Variants in CDH18 observed in about 807,000 individuals in gnomAD.
CDH18 encodes cadherin-18.
Under a neutral mutation model 67.9 loss-of-function variants are expected in CDH18, and 31 were observed. The ratio of observed to expected loss-of-function variants is 0.46; its 90% confidence interval spans 0.34 to 0.62. The LOEUF (loss-of-function observed/expected upper bound fraction) is 0.62, where lower values mean the gene tolerates loss of function less well. CDH18 is among the 20% of genes least tolerant of loss of function. The probability of loss-of-function intolerance (pLI) is 0.01; values close to 1 mark genes in which losing one functional copy is unlikely to be tolerated. For synonymous variants in CDH18, 362 were observed against 347.2 expected, an observed-to-expected ratio of 1.04 and a Z score of -0.48; for missense variants, 890 against 975.5, an observed-to-expected ratio of 0.91 and a Z score of 1.17.
intron 1 of CDH18, among the ~76,000 whole-genome samples, chr5:20,319,008 C>G (rs1055876448): frequency 6.6e-6 from 1 of 152,148 alleles, no homozygotes; most frequent in Non-Finnish European, 1.5e-5. Flanking sequence ...CTAGGCTGCT[C>G]TACTTGGAAT....
chr5:19,789,766 A>T, intron 3 of CDH18, among the ~76,000 whole-genome samples: 1 of 152,130 alleles, frequency 6.6e-6, no homozygotes, highest in East Asian at 1.9e-4. Flanking sequence ...GATGTTTGCC[A>T]ATAGTAGTAC....
At chr5:20,037,653 A>C (rs1030878188) in intron 2 of CDH18, among the ~76,000 whole-genome samples, 2 of 152,160 alleles carry the variant, frequency 1.3e-5, no homozygotes, top group African/African-American at 4.8e-5. Flanking sequence ...CTTTGAAATC[A>C]ATGACAACAA....
intron 2 of CDH18, among the ~76,000 whole-genome samples, chr5:20,178,207 G>A (rs1226869152): frequency 2.6e-5 from 4 of 152,052 alleles, no homozygotes; most frequent in African/African-American, 9.7e-5. Flanking sequence ...AAGACTACTG[G>A]CTTTCAAACT....
intron 2 of CDH18, among the ~76,000 whole-genome samples, chr5:19,854,906 A>G (rs1784096789): frequency 6.9e-6 from 1 of 145,042 alleles, no homozygotes; most frequent in Admixed American, 7.1e-5. Flanking sequence ...GCCTCTGATA[A>G]CCATCATGCT....
chr5:20,149,462 G>A (rs1166426668), intron 2 of CDH18, among the ~76,000 whole-genome samples: 1 of 152,108 alleles, frequency 6.6e-6, no homozygotes, highest in Non-Finnish European at 1.5e-5. Context: ...ATATCGGACA[G>A]GGTAGTGAAG....
intron 2 of CDH18, among the ~76,000 whole-genome samples, chr5:20,042,540 A>G (rs985260156): frequency 6.6e-6 from 1 of 152,222 alleles, no homozygotes; most frequent in Admixed American, 6.5e-5. Flanking sequence ...AGTTTATTTC[A>G]TAGCATGTAA....
chr5:20,113,564 T>C (rs564102352), intron 2 of CDH18, among the ~76,000 whole-genome samples: 52 of 152,222 alleles, frequency 3.4e-4, no homozygotes, highest in African/African-American at 1.2e-3. Context: ...ATAAAAATGG[T>C]TTGCTTATGT....
chr5:20,443,026 G>A (rs1205041410), intron 1 of CDH18, among the ~76,000 whole-genome samples: 4 of 150,568 alleles, frequency 2.7e-5, no homozygotes, highest in Admixed American at 2.0e-4. Flanking sequence ...CGGCTAAAAC[G>A]GTGAAACCCC....
At chr5:19,915,440 A>G (rs1392481689) in intron 2 of CDH18, among the ~76,000 whole-genome samples, 2 of 152,120 alleles carry the variant, frequency 1.3e-5, no homozygotes, top group Admixed American at 1.3e-4. Context: ...CTAACAGCCT[A>G]CTGTTGACTG....
chr5:19,564,428 C>T (rs1045465427), intron 8 of CDH18, among the ~76,000 whole-genome samples: 1 of 152,044 alleles, frequency 6.6e-6, no homozygotes, highest in Non-Finnish European at 1.5e-5. Context: ...AATCCTGAGG[C>T]CCTAGCTCTC....
intron 1 of CDH18, among the ~76,000 whole-genome samples, chr5:20,437,880 G>A (rs1313566081): frequency 6.6e-6 from 1 of 151,116 alleles, no homozygotes; most frequent in African/African-American, 2.4e-5. Flanking sequence ...TAAAATTATA[G>A]AATAAAATGT....
At chr5:19,792,631 T>C (rs1776478096) in intron 3 of CDH18, among the ~76,000 whole-genome samples, 1 of 152,142 alleles carries the variant, frequency 6.6e-6, no homozygotes, top group South Asian at 2.1e-4. Flanking sequence ...CCTAACTCAA[T>C]TAGAAATAAA....
chr5:20,196,049 A>T (rs1391319070), intron 2 of CDH18, among the ~76,000 whole-genome samples: 1 of 152,094 alleles, frequency 6.6e-6, no homozygotes, highest in Non-Finnish European at 1.5e-5. Context: ...GAAGGTATGG[A>T]CATCTGTTCA....
At chr5:19,555,175 C>T (rs1056260979) in intron 8 of CDH18, among the ~76,000 whole-genome samples, 1 of 152,168 alleles carries the variant, frequency 6.6e-6, no homozygotes, top group African/African-American at 2.4e-5. Flanking sequence ...CTTGCAGCTC[C>T]CACATGGACC....
chr5:19,578,464 TA>T (rs1742683881), intron 7 of CDH18, among the ~76,000 whole-genome samples: 2 of 152,080 alleles, frequency 1.3e-5, no homozygotes, highest in Non-Finnish European at 2.9e-5. Flanking sequence ...TGTGTAGAGT[TA>T]AGAAAATATT....
rs552112535 is a variant in CDH18, at chr5:19,471,490, C to T, written c.*1736G>A. Among the ~76,000 whole-genome samples, 77 of 151,832 alleles carry T rather than the reference C, an allele frequency of 5.1e-4. No individual in the cohort carries two copies. The highest frequency in any genetic ancestry group is 9.4e-4 in the Non-Finnish European group (64 of 67,990). ...GAAAATGTCATATAACTTTTGGGGA[C>T]ACTGATAATGATAAATTTAAAGAGC... On this transcript the variant is annotated 3_prime_UTR_variant, in exon 13 of 13. Coordinates refer to ENST00000382275, the MANE Select transcript of CDH18 (RefSeq NM_004934.5).
At chr5:19,484,476 C>G (rs1366534948) in intron 11 of CDH18, among the ~76,000 whole-genome samples, 1 of 152,128 alleles carries the variant, frequency 6.6e-6, no homozygotes, top group Non-Finnish European at 1.5e-5. Context: ...TACTGTTATT[C>G]CTCGTCCCTG....
chr5:20,063,899 G>C (rs1290023974), intron 2 of CDH18, among the ~76,000 whole-genome samples: 1 of 152,070 alleles, frequency 6.6e-6, no homozygotes, highest in Non-Finnish European at 1.5e-5. Flanking sequence ...TGACACCATT[G>C]TGCTCGGGGA....
intron 1 of CDH18, among the ~76,000 whole-genome samples, chr5:20,495,999 A>G (rs1753884033): frequency 6.6e-6 from 1 of 152,142 alleles, no homozygotes; most frequent in Non-Finnish European, 1.5e-5. Context: ...GATGATAAAT[A>G]TAAGAAACAA....
Sources: allele counts gnomAD v4.1 joint callset (sites outside exome capture counted in the v4.1 genomes callset), GRCh38; gene constraint gnomAD v4.1.1; transcripts MANE v1.5; gene names NCBI Gene and HGNC (gene_info 2026-07-23, HGNC 2026-07-21).